TMEM120B: variants seen among roughly 807,000 people sequenced by gnomAD.
The protein encoded by TMEM120B is transmembrane protein 120B.
TMEM120B carries 31 observed loss-of-function variants against 55.5 expected under a neutral mutation model. The ratio of observed to expected loss-of-function variants is 0.56; its 90% CI spans 0.42 to 0.75. The LOEUF (loss-of-function observed/expected upper bound fraction) is 0.75, where lower values mean the gene tolerates loss of function less well. Among genes scored for constraint, TMEM120B ranks in the 30% least tolerant of loss-of-function variants. The pLI is 0.00. For synonymous variants in TMEM120B, 203 were observed against 176.3 expected (o/e 1.15, Z -1.20); for missense variants, 399 against 425.5 (o/e 0.94, Z 0.55).
rs530432234 is a variant in TMEM120B, at chr12:121,762,426, C to T, written c.551+688C>T. On this transcript the variant is annotated intron_variant, in intron 6 of 11. Coordinates refer to ENST00000449592, the MANE Select transcript of TMEM120B (RefSeq NM_001080825.2). ...TCCAGGCTCATGTCACTATTTATAG[C>T]ATTCCCAGCAAACGGAGCACATTCC... is the stretch of plus-strand genomic sequence containing the variant. 3.6e-3 allele frequency among the ~76,000 whole-genome samples: 556 copies of T among 152,330 alleles called. 6 individuals are homozygous for T. The highest frequency in any genetic ancestry group is 4.7e-3 in the Admixed American group (72 of 15,294).
At position 121,723,973 on chromosome 12, in the gene TMEM120B, A is replaced by AT. The variant is rs200106842; in HGVS notation, c.69+11019dup. Among the ~76,000 whole-genome samples, 53 of 140,756 alleles carry AT rather than the reference A, an allele frequency of 3.8e-4. No individual in the cohort carries two copies. In the East Asian group the frequency reaches 4.5e-3, roughly 12 times the overall value. 92.3% of individuals were successfully genotyped at this position (140,756 alleles called of 152,430 possible). Reference sequence around the variant, plus strand: ...ATACCACCATGCCAGTTATAATTAAATTTTTTTTTTGAGACATGGGATCTC... The same window carrying AT: ...ATACCACCATGCCAGTTATAATTAAATTTTTTTTTTTGAGACATGGGATCTC... On this transcript the variant is annotated intron_variant, in intron 1 of 11. Coordinates refer to ENST00000449592, the MANE Select transcript of TMEM120B (RefSeq NM_001080825.2).
chr12:121,767,625 G>A (rs1873892035), intron 6 of TMEM120B, among the ~76,000 whole-genome samples: 1 of 152,226 alleles, frequency 6.6e-6, no homozygotes, highest in East Asian at 1.9e-4. Context: ...CTTTCAGTGA[G>A]TGAATTGTAC....
intron 10 of TMEM120B, 134 bp downstream of exon 10, chr12:121,774,856 CTG>C (rs1750793426): frequency 7.9e-7 from 1 of 1,258,378 alleles, no homozygotes; most frequent in African/African-American, 1.5e-5. Context: ...GGGGCAGCCT[CTG>C]GGCCCAGGGA....
chr12:121,742,340 G>A (rs1441649897), intron 1 of TMEM120B, among the ~76,000 whole-genome samples: 1 of 152,048 alleles, frequency 6.6e-6, no homozygotes, highest in Non-Finnish European at 1.5e-5. Context: ...TGCTTGGCAG[G>A]CAGGGGAGTT....
At chr12:121,759,289 C>T (rs1873592340) in intron 5 of TMEM120B, among the ~76,000 whole-genome samples, 1 of 152,092 alleles carries the variant, frequency 6.6e-6, no homozygotes, top group Admixed American at 6.6e-5. Context: ...AACGGGTCTG[C>T]AGCGACCTCC....
intron 4 of TMEM120B, among the ~76,000 whole-genome samples, chr12:121,750,826 A>C (rs1873269568): frequency 2.0e-5 from 2 of 99,144 alleles, no homozygotes; most frequent in South Asian, 3.8e-4. Flanking sequence ...CCCCACACCA[A>C]CACCACACAC....
At chr12:121,730,480 A>G (rs1894978637) in intron 1 of TMEM120B, among the ~76,000 whole-genome samples, 1 of 28,848 alleles carries the variant, frequency 3.5e-5, no homozygotes, top group Admixed American at 5.6e-4. Flanking sequence ...CCCCTTCTCT[A>G]CTAAAAAAAA....
At chr12:121,746,825 G>A (rs1269608064) in intron 2 of TMEM120B, among the ~76,000 whole-genome samples, 2 of 151,998 alleles carry the variant, frequency 1.3e-5, no homozygotes, top group Admixed American at 6.6e-5. Context: ...GGGCGTGGTG[G>A]CAGGCACCTG....
intron 3 of TMEM120B, among the ~76,000 whole-genome samples, chr12:121,749,369 T>C (rs1258612547): frequency 2.0e-5 from 3 of 152,196 alleles, no homozygotes; most frequent in Non-Finnish European, 4.4e-5. Context: ...TGGGAATCTT[T>C]GGATTGCAAA....
intron 1 of TMEM120B, among the ~76,000 whole-genome samples, chr12:121,734,847 A>G (rs1895074619): frequency 6.6e-6 from 1 of 151,672 alleles, no homozygotes; most frequent in South Asian, 2.1e-4. Flanking sequence ...TGGGAGGTGG[A>G]GGTTGCAGCG....
In TMEM120B at chr12:121,774,671, C is replaced by G; in HGVS notation, c.786C>G (p.Ser262=). ...TCCTCTCCACAGAAGGGTTCCAGTC[C>G]TGGATGTGGCGGGGCCTCACCTTTC... The part of the protein sequence containing the change: ...HLDLTVEGFQ[S]WMWRGLTFLL... The change falls in exon 10 of 12, where the codon TCC becomes TCG. Residue 262 remains serine (S), a synonymous_variant. Coordinates refer to ENST00000449592, the MANE Select transcript of TMEM120B (RefSeq NM_001080825.2). The G allele has an allele frequency of 6.2e-7, 1 of 1,614,080 alleles. No individual in the cohort carries two copies. Among genetic ancestry groups the G allele is most frequent in the Non-Finnish European group, 8.5e-7 (1 of 1,179,972 alleles).
intron 2 of TMEM120B, 90 bp downstream of exon 2, chr12:121,743,837 G>T: frequency 2.1e-6 from 2 of 971,362 alleles, no homozygotes; most frequent in Non-Finnish European, 3.2e-6. Flanking sequence ...GGAAATCTCA[G>T]TGGAAAAAGA....
chr12:121,765,474 A>G (rs1217328445), intron 6 of TMEM120B, among the ~76,000 whole-genome samples: 1 of 152,162 alleles, frequency 6.6e-6, no homozygotes, highest in African/African-American at 2.4e-5. Context: ...ATATGGTTCA[A>G]GGAATTTGAG....
chr12:121,780,873 T>A lies in TMEM120B; in HGVS notation c.*5151T>A. On this transcript the variant is annotated 3_prime_UTR_variant, in exon 12 of 12. Coordinates refer to ENST00000449592, the MANE Select transcript of TMEM120B (RefSeq NM_001080825.2). ...CCCAGGGTCTTGGCCCCGGCCCACC[T>A]GCATGTAGGTGATGGGCTCCAGCTG... The A allele has an allele frequency of 6.2e-7, 1 of 1,612,752 alleles. No homozygotes were observed. The highest frequency in any genetic ancestry group is 8.5e-7 in the Non-Finnish European group (1 of 1,179,578).
At chr12:121,759,149 C>G (rs1274124651) in intron 5 of TMEM120B, among the ~76,000 whole-genome samples, 1 of 140,928 alleles carries the variant, frequency 7.1e-6, no homozygotes, top group Non-Finnish European at 1.5e-5. Context: ...GAGGTGGAGT[C>G]TCGCTCACTC....
chr12:121,763,338 ATTT>A (rs1873742980), intron 6 of TMEM120B, among the ~76,000 whole-genome samples: 1 of 150,858 alleles, frequency 6.6e-6, no homozygotes, highest in South Asian at 2.1e-4. Flanking sequence ...AATTTTTTGT[ATTT>A]TTAGTAGAGA....
At chr12:121,753,940 A>G (rs78425801) in intron 5 of TMEM120B, among the ~76,000 whole-genome samples, 13,834 of 152,270 alleles carry the variant, frequency 0.091, 1,137 homozygotes, top group African/African-American at 0.22. Context: ...GGTACCGTCC[A>G]AGTGCAGCAC....
intron 1 of TMEM120B, among the ~76,000 whole-genome samples, chr12:121,713,597 C>CT (rs921752475): frequency 4.6e-5 from 7 of 152,164 alleles, no homozygotes; most frequent in African/African-American, 1.7e-4. Flanking sequence ...ACTCCCAGCT[C>CT]TATCCTTCTG....
At chr12:121,758,353 C>A (rs1303842795) in intron 5 of TMEM120B, 1 of 985,388 alleles carries the variant, frequency 1.0e-6, no homozygotes, top group African/African-American at 1.7e-5. Context: ...TGCTCCACAG[C>A]CCGGGTCTGT....
Sources: allele counts gnomAD v4.1 joint callset (sites outside exome capture counted in the v4.1 genomes callset), GRCh38; gene constraint gnomAD v4.1.1; transcripts MANE v1.5; gene names NCBI Gene and HGNC (gene_info 2026-07-23, HGNC 2026-07-21).